PPA2: variants seen among roughly 807,000 people sequenced by gnomAD.
PPA2 encodes the protein inorganic pyrophosphatase 2, also known as inorganic pyrophosphatase 2, mitochondrial.
In PPA2, 48 loss-of-function variants were observed where a neutral mutation model predicts 49.5. The ratio of observed to expected loss-of-function variants is 0.97; its 90% confidence interval spans 0.77 to 1.23. The LOEUF is 1.23. Ranked by LOEUF, PPA2 falls within the 50% of genes most tolerant of loss-of-function variation. The pLI, the probability that PPA2 is intolerant of heterozygous loss-of-function variation, is 0.00. For missense variants in PPA2, 429 were observed against 410.1 expected, an observed-to-expected ratio of 1.05 and a Z score of -0.40; for synonymous variants, 131 against 139.9, an observed-to-expected ratio of 0.94 and a Z score of 0.45.
chr4:105,429,339 G>A (rs1162381213), intron 6 of PPA2, among the ~76,000 whole-genome samples: 1 of 152,134 alleles, frequency 6.6e-6, no homozygotes, highest in Non-Finnish European at 1.5e-5. Context: ...ATCTTACAGT[G>A]GCAACACTAC....
chr4:105,402,710 C>A (rs950070749), intron 7 of PPA2, among the ~76,000 whole-genome samples: 1 of 152,072 alleles, frequency 6.6e-6, no homozygotes, highest in Non-Finnish European at 1.5e-5. Context: ...TAAGATCTTT[C>A]TATCTGCTGT....
At chr4:105,446,682 A>G (rs1197547724) in intron 4 of PPA2, among the ~76,000 whole-genome samples, 180 bp from the exon 5 acceptor site, 1 of 152,202 alleles carries the variant, frequency 6.6e-6, no homozygotes, top group Admixed American at 6.5e-5. Context: ...GCACTATATG[A>G]GAAAAATTGT....
At chr4:105,395,589 C>T (rs1420454954) in intron 9 of PPA2, among the ~76,000 whole-genome samples, 1 of 152,038 alleles carries the variant, frequency 6.6e-6, no homozygotes, top group Admixed American at 6.5e-5. Flanking sequence ...AATACTGAGG[C>T]CCTAAAAAGC....
intron 1 of PPA2, chr4:105,473,427 T>G (rs777505100): frequency 4.5e-5 from 17 of 376,800 alleles, no homozygotes; most frequent in Middle Eastern, 3.9e-4. Flanking sequence ...AAGTTCCGCC[T>G]GCCTCTCCGA....
At chr4:105,441,247 C>T (rs1724346582) in intron 5 of PPA2, among the ~76,000 whole-genome samples, 1 of 151,748 alleles carries the variant, frequency 6.6e-6, no homozygotes, top group Non-Finnish European at 1.5e-5. Flanking sequence ...ATAGTTTTGG[C>T]AACTAAATAA....
chr4:105,399,187 A>G (rs776451581), intron 7 of PPA2, 23 bp from the exon 8 acceptor site: 12 of 1,577,654 alleles, frequency 7.6e-6, no homozygotes, highest in Non-Finnish European at 9.4e-6. Flanking sequence ...AAACAAAAAG[A>G]TGTTTTGTTA....
chr4:105,406,455 G>C (rs66932244), intron 7 of PPA2, among the ~76,000 whole-genome samples: 27,678 of 151,900 alleles, frequency 0.18, 2,908 homozygotes, highest in African/African-American at 0.28. Flanking sequence ...GATCCACAAA[G>C]CTCAGTATAT....
intron 3 of PPA2, among the ~76,000 whole-genome samples, chr4:105,450,163 G>T (rs1230654637): frequency 6.6e-6 from 1 of 152,026 alleles, no homozygotes; most frequent in African/African-American, 2.4e-5. Context: ...GGTTAAAGTT[G>T]ATTTGCACAC....
At chr4:105,472,668 C>T (rs1028971690) in intron 1 of PPA2, among the ~76,000 whole-genome samples, 2 of 152,142 alleles carry the variant, frequency 1.3e-5, no homozygotes, top group African/African-American at 4.8e-5. Context: ...AGGGTGAAAA[C>T]TGCAACCAAT....
At chr4:105,428,378 T>C (rs1723625999) in intron 6 of PPA2, among the ~76,000 whole-genome samples, 2 of 152,118 alleles carry the variant, frequency 1.3e-5, no homozygotes, top group Non-Finnish European at 2.9e-5. Flanking sequence ...ATGGGCTAAA[T>C]GCCCCAATTA....
intron 1 of PPA2, among the ~76,000 whole-genome samples, chr4:105,457,424 C>A (rs1181160709): frequency 6.6e-6 from 1 of 152,138 alleles, no homozygotes; most frequent in Admixed American, 6.5e-5. Context: ...TTAATAGAGC[C>A]CTACAAAATT....
At chr4:105,393,357 G>C (rs764858423) in intron 9 of PPA2, among the ~76,000 whole-genome samples, 3 of 151,668 alleles carry the variant, frequency 2.0e-5, no homozygotes, top group African/African-American at 7.3e-5. Flanking sequence ...AGCCAGGTGT[G>C]GTGGTGCATG....
At chr4:105,434,221 G>A (rs1723947249) in intron 6 of PPA2, among the ~76,000 whole-genome samples, 1 of 152,170 alleles carries the variant, frequency 6.6e-6, no homozygotes, top group African/African-American at 2.4e-5. Context: ...GGAACAACTA[G>A]AATAAAAAGC....
rs544536001 is a variant in PPA2, at chr4:105,452,521, C to A, written c.267+1077G>T. On this transcript the variant is annotated intron_variant, in intron 3 of 11. Coordinates refer to ENST00000341695, the MANE Select transcript of PPA2 (RefSeq NM_176869.3). ...ACGGAATCTGAATTTTTAACAAGCA[C>A]TCTAAGTGGTTCCAGTGTAGATGGT... Among the ~76,000 whole-genome samples, 11 of 152,298 alleles carry A rather than the reference C, an allele frequency of 7.2e-5. No individual in the cohort carries two copies. The East Asian group carries it at 2.1e-3, about 29-fold the overall frequency.
chr4:105,444,893 G>A (rs1724532993), intron 5 of PPA2, among the ~76,000 whole-genome samples: 1 of 152,040 alleles, frequency 6.6e-6, no homozygotes, highest in Non-Finnish European at 1.5e-5. Flanking sequence ...TTCAAATGCA[G>A]TAACTCATTT....
At chr4:105,460,877 A>ATATATATATATATATATAT (rs1553929836) in intron 1 of PPA2, among the ~76,000 whole-genome samples, 8 of 151,602 alleles carry the variant, frequency 5.3e-5, no homozygotes, top group African/African-American at 1.7e-4. Context: ...ATAGTTTTCT[A>ATATATATATATATATATAT]ATTGTCATTT....
intron 5 of PPA2, among the ~76,000 whole-genome samples, chr4:105,439,885 G>A (rs1724263091): frequency 9.0e-6 from 1 of 110,578 alleles, no homozygotes; most frequent in African/African-American, 3.1e-5. Context: ...CCCTTCCTGT[G>A]TGCGTGTTGT....
At chr4:105,470,186 C>T (rs551993089) in intron 1 of PPA2, among the ~76,000 whole-genome samples, 43 of 152,224 alleles carry the variant, frequency 2.8e-4, no homozygotes, top group Admixed American at 2.0e-3. Context: ...AAGTTATTAA[C>T]GAAACAAAAC....
chr4:105,436,385 T>A (rs1189073470), intron 6 of PPA2, among the ~76,000 whole-genome samples: 1 of 152,134 alleles, frequency 6.6e-6, no homozygotes, highest in Non-Finnish European at 1.5e-5. Context: ...AAAATGCCAA[T>A]ATTGCTCAAA....
Sources: gnomAD v4.1 joint callset for allele counts (sites outside exome capture counted in the v4.1 genomes callset) on GRCh38, gnomAD v4.1.1 for gene constraint, MANE v1.5 for transcripts, NCBI Gene and HGNC (gene_info 2026-07-23, HGNC 2026-07-21) for gene names.